Variants in ZNF132 observed in about 807,000 individuals in gnomAD.
ZNF132 encodes the protein zinc finger protein 132.
Under a neutral mutation model 9.3 loss-of-function variants are expected in ZNF132, and 6 were observed. The ratio of observed to expected loss-of-function variants is 0.65; its 90% CI spans 0.35 to 1.28. ZNF132 has a LOEUF of 1.28. ZNF132 is among the 50% of genes most tolerant of loss of function. The pLI, the probability that ZNF132 is intolerant of heterozygous loss-of-function variation, is 0.03. For synonymous variants in ZNF132, 296 were observed against 292.0 expected, an observed-to-expected ratio of 1.01 and a Z score of -0.14; for missense variants, 877 against 843.2, an observed-to-expected ratio of 1.04 and a Z score of -0.50.
chr19:58,436,519 T>A (rs1056014994), intron 2 of ZNF132, among the ~76,000 whole-genome samples: 10 of 151,204 alleles, frequency 6.6e-5, no homozygotes, highest in African/African-American at 2.2e-4. Flanking sequence ...ACAAAAAAAA[T>A]TAGCTGGGTG....
Position 58,434,912 on chromosome 19 carries a change from C to A in ZNF132, c.532G>T (p.Ala178Ser). The A allele has an allele frequency of 6.2e-7, 1 of 1,614,144 alleles. No individual in the cohort carries two copies. Among genetic ancestry groups the A allele is most frequent in the Non-Finnish European group, 8.5e-7 (1 of 1,180,034 alleles). The change falls in exon 3 of 3, where the codon GCA becomes TCA. Residue 178 changes from alanine to serine, a missense_variant. Coordinates refer to ENST00000254166, the MANE Select transcript of ZNF132 (RefSeq NM_003433.4). ...KPFRWYKDRD[A>S]LMKSSKVHLS... ...TGGACTTTAGAGCTCTTCATAAGTG[C>A]GTCCCTGTCCTTGTACCATCTAAAG... is the stretch of plus-strand genomic sequence containing the variant.
intron 2 of ZNF132, 35 bp downstream of exon 2, chr19:58,437,012 A>C: frequency 6.2e-7 from 1 of 1,613,970 alleles, no homozygotes; most frequent in East Asian, 2.2e-5. Flanking sequence ...CACAAGGCAT[A>C]AGGTAGTCAT....
rs781103074 is a variant in ZNF132 at position 58,435,089 on chromosome 19, A to G, written c.355T>C (p.Cys119Arg). Residue 119 changes from cysteine to arginine, a missense_variant, in exon 3 of 3, where the codon TGT becomes CGT. Transcript: ENST00000254166. The part of the protein sequence containing the change: ...STKKANSCDM[C>R]GPFLKDILHL... ...AAAATGTCTTTCAAGAATGGCCCACACATGTCACAGGAGTTAGCTTTCTTG... is the reference window on the plus strand; with the variant it reads ...AAAATGTCTTTCAAGAATGGCCCACGCATGTCACAGGAGTTAGCTTTCTTG... The G allele has an allele frequency of 1.9e-6, 3 of 1,613,942 alleles. No homozygotes were observed. The highest frequency in any genetic ancestry group is 2.5e-6 in the Non-Finnish European group (3 of 1,180,000).
chr19:58,434,622 CT>C lies in ZNF132; in HGVS notation c.821del (p.Glu274GlyfsTer33). 10 of 1,614,176 alleles carry C rather than the reference CT, an allele frequency of 6.2e-6. No individual in the cohort carries two copies. The highest frequency in any genetic ancestry group is 8.5e-6 in the Non-Finnish European group (10 of 1,180,026). On this transcript the variant is annotated frameshift_variant, in exon 3 of 3. Coordinates refer to ENST00000254166, the MANE Select transcript of ZNF132 (RefSeq NM_003433.4). LOFTEE classifies it low-confidence loss of function (END_TRUNC). ...TTTTATTACCAAGGATTGATTTCTC[CT>C]CTAAGAAATTTCCACCTGTTGGGCA... ...FTCPTGGNFL[E>X]EKSILGNKKF...
In ZNF132 at chr19:58,439,884, G is replaced by T; in HGVS notation, c.-63C>A. The T allele has an allele frequency of 6.7e-7, 1 of 1,503,416 alleles. No homozygotes were observed. 93.1% of individuals were successfully genotyped at this position (1,503,416 alleles called of 1,614,324 possible). A position where few individuals can be genotyped will look rare whatever the true frequency, so the allele number is the denominator to read the frequency against. ...ACCCTCACACTTCCGCTGGGTGACG[G>T]TCGCACTCAGGACCTGTCTTCCCAA... On this transcript the variant is annotated 5_prime_UTR_variant, in exon 1 of 3. Transcript: ENST00000254166.
rs56078209 is a variant in ZNF132 at position 58,436,667 on chromosome 19, CAAAAAAAA to C, written c.232+372_232+379del. On this transcript the variant is annotated intron_variant, in intron 2 of 2. Coordinates refer to ENST00000254166, the MANE Select transcript of ZNF132 (RefSeq NM_003433.4). Reference sequence around the variant, plus strand: ...TGGGGGACAGAGCAAGACTCCATCTCAAAAAAAAAAAAAAAAAAAAAAAAAGGAAAAAA... The same window carrying C: ...TGGGGGACAGAGCAAGACTCCATCTCAAAAAAAAAAAAAAAAAGGAAAAAA... Among the ~76,000 whole-genome samples the C allele has an allele frequency of 1.3e-3, 84 of 65,556 alleles. 1 individual carries two copies. The highest frequency in any genetic ancestry group is 4.8e-3 in the African/African-American group (71 of 14,782). 43.0% of individuals were successfully genotyped at this position (65,556 alleles called of 152,430 possible). A position where few individuals can be genotyped will look rare whatever the true frequency, so the allele number is the denominator to read the frequency against.
At chr19:58,438,855 C>T (rs2052787126) in intron 1 of ZNF132, among the ~76,000 whole-genome samples, 2 of 151,964 alleles carry the variant, frequency 1.3e-5, no homozygotes, top group Non-Finnish European at 2.9e-5. Context: ...AATGCAACCT[C>T]CATCTCCCAG....
chr19:58,439,942 C>G lies in ZNF132; in HGVS notation c.-121G>C. The G allele has an allele frequency of 9.6e-7, 1 of 1,044,250 alleles. No homozygotes were observed. The highest frequency in any genetic ancestry group is 1.4e-6 in the Non-Finnish European group (1 of 721,838). 64.7% of individuals were successfully genotyped at this position (1,044,250 alleles called of 1,614,324 possible). ...ATGCGCGCAAGGCCTCTGGGCACCG[C>G]AGGGACGAAGGCTGGGTATGGAGAC... On this transcript the variant is annotated 5_prime_UTR_variant, in exon 1 of 3. Coordinates refer to ENST00000254166, the MANE Select transcript of ZNF132 (RefSeq NM_003433.4).
rs766018632 is a variant in ZNF132, at chr19:58,433,926, C to G, written c.1518G>C (p.Gln506His). 6 of 1,614,150 alleles carry G rather than the reference C, an allele frequency of 3.7e-6. No individual in the cohort carries two copies. Among genetic ancestry groups the G allele is most frequent in the Non-Finnish European group, 5.1e-6 (6 of 1,180,038 alleles). Residue 506 changes from glutamine (Q) to histidine (H), a missense_variant, in exon 3 of 3, where the codon CAG becomes CAC. Gln to His is a conservative substitution (Grantham distance 24, BLOSUM62 0). Coordinates refer to ENST00000254166, the MANE Select transcript of ZNF132 (RefSeq NM_003433.4). ...FSNSSTLIQHQKVHTGQRPYE... is the reference protein window; with the variant it reads ...FSNSSTLIQHHKVHTGQRPYE... ...AAGGCCTTTGCCCAGTATGTACTTT[C>G]TGGTGCTGGATGAGGGTGGAGCTAT...
At position 58,434,549 on chromosome 19, in the gene ZNF132, C is replaced by A. The variant is rs2052761742; in HGVS notation, c.895G>T (p.Ala299Ser). The change falls in exon 3 of 3, where the codon GCC (alanine) becomes TCC (serine). Residue 299 changes from alanine (A) to serine (S), a missense_variant. Physicochemically the swap from Ala to Ser is moderately conservative, Grantham distance 99 (BLOSUM62 1). Coordinates refer to ENST00000254166, the MANE Select transcript of ZNF132 (RefSeq NM_003433.4). ...IPHVCKECGKAFSHSSKLRKH... is the reference protein window; with the variant it reads ...IPHVCKECGKSFSHSSKLRKH... Reference sequence around the variant, plus strand: ...CTCAGCTTAGATGAGTGACTAAAGGCCTTCCCACACTCCTTACACACATGG... The same window carrying A: ...CTCAGCTTAGATGAGTGACTAAAGGACTTCCCACACTCCTTACACACATGG... The A allele has an allele frequency of 6.2e-7, 1 of 1,614,022 alleles. No individual in the cohort carries two copies.
intron 1 of ZNF132, among the ~76,000 whole-genome samples, 198 bp downstream of exon 1, chr19:58,439,561 T>C (rs796897902): frequency 3.9e-5 from 6 of 152,298 alleles, no homozygotes; most frequent in African/African-American, 1.4e-4. Flanking sequence ...ATTCCAGAAA[T>C]GGGAATCCCT....
Position 58,439,807 on chromosome 19 carries a change from G to C in ZNF132, c.15C>G (p.Ser5Arg). 6.5e-7 allele frequency: 1 copy of C among 1,544,648 alleles called. No individual in the cohort carries two copies. The highest frequency in any genetic ancestry group is 8.7e-7 in the Non-Finnish European group (1 of 1,145,124). MALPSPQVLMGLPAL... is the reference protein window; with the variant it reads MALPRPQVLMGLPAL... ...CTGGCAACCCCATTAGAACCTGTGGGCTGGGCAGGGCCATAACAGGAGGCC... is the reference window on the plus strand; with the variant it reads ...CTGGCAACCCCATTAGAACCTGTGGCCTGGGCAGGGCCATAACAGGAGGCC... Residue 5 changes from serine to arginine, a missense_variant, in exon 1 of 3, where the codon AGC (serine) becomes AGG (arginine). Physicochemically the swap from Ser to Arg is moderately radical, Grantham distance 110 (BLOSUM62 -1). Transcript: ENST00000254166.
At position 58,433,730 on chromosome 19, in the gene ZNF132, CAT is replaced by C. The variant is rs2052756039; in HGVS notation, c.1712_1713del (p.Tyr571Ter). 1 of 1,614,070 alleles carries C rather than the reference CAT, an allele frequency of 6.2e-7. No homozygotes were observed. The highest frequency in any genetic ancestry group is 8.5e-7 in the Non-Finnish European group (1 of 1,179,932). On this transcript the variant is annotated frameshift_variant, in exon 3 of 3. Coordinates refer to ENST00000254166, the MANE Select transcript of ZNF132 (RefSeq NM_003433.4). LOFTEE classifies it low-confidence loss of function (END_TRUNC). ...AAGAATTTCCCACATTCATTGCACT[CAT>C]AAGGCCTTTCTTTTGTGTGAACTCT... ...HWRVHTKERPYECNECGKFFS... is the reference protein window; with the variant it reads ...HWRVHTKERPXECNECGKFFS...
Position 58,433,991 on chromosome 19 carries a change from G to C in ZNF132, c.1453C>G (p.Arg485Gly). 2 of 1,613,828 alleles carry C rather than the reference G, an allele frequency of 1.2e-6. No individual in the cohort carries two copies. Among genetic ancestry groups the C allele is most frequent in the East Asian group, 4.5e-5 (2 of 44,828 alleles). ...CCACAATCACAGCATTCAAAAGGCC[G>C]TTCTCCAGTGTGAACTTTCTGATGT... The part of the protein sequence containing the change: ...LRHQKVHTGE[R>G]PFECCDCGKA... Residue 485 changes from arginine to glycine, a missense_variant, in exon 3 of 3, where the codon CGG (arginine) becomes GGG (glycine). Arg to Gly is a moderately radical substitution (Grantham distance 125). Transcript: ENST00000254166.
At position 58,434,057 on chromosome 19, in the gene ZNF132, C is replaced by T; in HGVS notation, c.1387G>A (p.Glu463Lys). ...CTTTGGCTGAAGTCTCTTCCACATT[C>T]ACTGCACTCAAAAGGCCGTTCTCCG... is the stretch of plus-strand genomic sequence containing the variant. The part of the protein sequence containing the change: ...HTGERPFECS[E>K]CGRDFSQSSH... The change falls in exon 3 of 3, where the codon GAA (glutamate) becomes AAA (lysine). Residue 463 changes from glutamate to lysine, a missense_variant. By Grantham distance (56) the Glu-to-Lys change is moderately conservative. Transcript: ENST00000254166. 5 of 1,613,614 alleles carry T rather than the reference C, an allele frequency of 3.1e-6. No individual in the cohort carries two copies. In the South Asian group the frequency reaches 4.4e-5, roughly 14 times the overall value.
chr19:58,439,444 A>G, intron 1 of ZNF132, among the ~76,000 whole-genome samples: 1 of 152,242 alleles, frequency 6.6e-6, no homozygotes. Context: ...CCACCAGACT[A>G]AATGGAGACC....
chr19:58,436,816 A>G (rs2052775760), intron 2 of ZNF132: 3 of 666,434 alleles, frequency 4.5e-6, no homozygotes, highest in Non-Finnish European at 8.2e-6. Context: ...CTGATCCCCA[A>G]CCTTTGCCTC....
Position 58,433,655 on chromosome 19 carries a change from T to C in ZNF132, c.1789A>G (p.Lys597Glu), listed in dbSNP as rs2052755508. The C allele has an allele frequency of 1.2e-6, 2 of 1,614,178 alleles. No homozygotes were observed. Among genetic ancestry groups the C allele is most frequent in the Middle Eastern group, 1.6e-4 (1 of 6,062 alleles). The change falls in exon 3 of 3, where the codon AAG becomes GAG. Residue 597 changes from lysine (K) to glutamate (E), a missense_variant. Coordinates refer to ENST00000254166, the MANE Select transcript of ZNF132 (RefSeq NM_003433.4). Reference protein sequence around the residue: ...IKHQKVHTGEKPYKCSECGKF... With the variant: ...IKHQKVHTGEEPYKCSECGKF... The stretch of plus-strand genomic sequence containing the variant: ...CCACATTCACTGCATTTATAAGGCT[T>C]TTCTCCAGTATGAACTTTCTGATGC...
intron 1 of ZNF132, chr19:58,437,863 G>A: frequency 3.3e-6 from 3 of 902,900 alleles, no homozygotes; most frequent in Non-Finnish European, 4.0e-6. Context: ...CAGCTGCCCA[G>A]AACCATAAGC....
Sources: gnomAD v4.1 joint callset for allele counts (sites outside exome capture counted in the v4.1 genomes callset) on GRCh38, gnomAD v4.1.1 for gene constraint, MANE v1.5 for transcripts, NCBI Gene and HGNC (gene_info 2026-07-23, HGNC 2026-07-21) for gene names.